Variants in ERBIN observed in about 807,000 individuals in gnomAD.
ERBIN encodes the protein densin-180-like protein.
ERBIN carries 60 observed loss-of-function variants against 158.4 expected under a neutral mutation model. The observed-to-expected ratio is 0.38, with a 90% confidence interval of 0.31 to 0.47. ERBIN has a LOEUF of 0.47. Among genes scored for constraint, ERBIN ranks in the 20% least tolerant of loss-of-function variants. The pLI is 0.99. For synonymous variants in ERBIN, 594 were observed against 557.2 expected, an observed-to-expected ratio of 1.07 and a Z score of -0.93; for missense variants, 1,610 against 1,648.0, an observed-to-expected ratio of 0.98 and a Z score of 0.40.
chr5:65,957,900 C>T (rs1196293052), intron 1 of ERBIN, among the ~76,000 whole-genome samples: 12 of 149,678 alleles, frequency 8.0e-5, no homozygotes, highest in African/African-American at 3.0e-4. Flanking sequence ...ACTTCTCAGC[C>T]GGGGCGGCTG....
intron 1 of ERBIN, among the ~76,000 whole-genome samples, chr5:65,975,861 G>A (rs1460656154): frequency 6.6e-6 from 1 of 152,218 alleles, no homozygotes; most frequent in Non-Finnish European, 1.5e-5. Context: ...GCATATTGCT[G>A]TGTGTGGTCA....
chr5:65,960,829 C>T (rs1448202477), intron 1 of ERBIN, among the ~76,000 whole-genome samples: 39 of 152,086 alleles, frequency 2.6e-4, no homozygotes, highest in Non-Finnish European at 2.9e-5. Flanking sequence ...TATATGTTTA[C>T]AGTTAGGTTC....
intron 14 of ERBIN, among the ~76,000 whole-genome samples, chr5:66,036,052 G>A (rs1396310513): frequency 1.3e-5 from 2 of 152,138 alleles, no homozygotes; most frequent in Admixed American, 6.5e-5. Flanking sequence ...TCATGCCACT[G>A]CACTCCAGCC....
chr5:65,981,900 A>G (rs1750704436), intron 1 of ERBIN, among the ~76,000 whole-genome samples: 1 of 152,192 alleles, frequency 6.6e-6, no homozygotes, highest in Non-Finnish European at 1.5e-5. Flanking sequence ...GAGTTGATGT[A>G]AACAAGTCAC....
intron 1 of ERBIN, among the ~76,000 whole-genome samples, chr5:65,935,646 T>A (rs141229795): frequency 1.4e-4 from 22 of 152,384 alleles, no homozygotes; most frequent in African/African-American, 5.0e-4. Flanking sequence ...ACTTTTACTC[T>A]TTACATTGGA....
intron 8 of ERBIN, chr5:66,022,835 C>G (rs538013922): frequency 1.3e-5 from 2 of 153,114 alleles, no homozygotes; most frequent in Admixed American, 1.3e-4. Context: ...TGCACGTTGT[C>G]TTTTATCTCC....
intron 19 of ERBIN, 63 bp from the exon 20 acceptor site, chr5:66,050,720 T>A: frequency 9.0e-7 from 1 of 1,107,200 alleles, no homozygotes. Context: ...TTGTCATCAC[T>A]GAAAAGAATT....
chr5:66,050,228 T>TAATAACCCCAGCATTGGTTAC (rs1758883746), intron 19 of ERBIN, among the ~76,000 whole-genome samples: 8 of 3,258 alleles, frequency 2.5e-3, no homozygotes, highest in South Asian at 0.017. Flanking sequence ...ATCGAATTCT[T>TAATAACCCCAGCATTGGTTAC]TTTTTTTTTT....
At chr5:65,965,052 A>C (rs1748406401) in intron 1 of ERBIN, among the ~76,000 whole-genome samples, 1 of 150,814 alleles carries the variant, frequency 6.6e-6, no homozygotes, top group Admixed American at 6.6e-5. Flanking sequence ...CAGCCTCCCA[A>C]AGTACCGGGA....
intron 24 of ERBIN, 39 bp from the exon 25 acceptor site, chr5:66,076,830 TTATACA>T (rs1428074829): frequency 7.1e-7 from 1 of 1,411,474 alleles, no homozygotes; most frequent in Admixed American, 1.8e-5. Context: ...ACTCTGTTAT[TTATACA>T]TACTGTTTTT....
At position 65,988,161 on chromosome 5, in the gene ERBIN, A is replaced by G. The variant is rs540306448; in HGVS notation, c.-57-474A>G. Among the ~76,000 whole-genome samples, 4 of 152,258 alleles carry G rather than the reference A, an allele frequency of 2.6e-5. 1 individual carries two copies. The South Asian group carries it at 8.3e-4, about 32-fold the overall frequency. On this transcript the variant is annotated intron_variant, in intron 1 of 25. Transcript: ENST00000284037. ...TGAGGTGGGAGAATCGCTTAAGGCC[A>G]GGAGTTCAAGACCAGCATGGCCAAC...
intron 14 of ERBIN, among the ~76,000 whole-genome samples, chr5:66,035,063 C>T (rs1757261926): frequency 6.6e-6 from 1 of 152,086 alleles, no homozygotes; most frequent in East Asian, 1.9e-4. Context: ...GCTGGTTGTC[C>T]TTTTACCTGA....
At chr5:65,987,981 A>G in intron 1 of ERBIN, among the ~76,000 whole-genome samples, 1 of 152,226 alleles carries the variant, frequency 6.6e-6, no homozygotes, top group Non-Finnish European at 1.5e-5. Context: ...TTTCTCAGTA[A>G]GTTCAAATTA....
intron 7 of ERBIN, 27 bp from the exon 8 acceptor site, chr5:66,021,295 A>C (rs1755657194): frequency 6.8e-7 from 1 of 1,460,060 alleles, no homozygotes; most frequent in South Asian, 1.2e-5. Flanking sequence ...TTTTCTAGTT[A>C]ATTTTTCATT....
At chr5:66,067,090 T>A (rs1294822671) in intron 21 of ERBIN, among the ~76,000 whole-genome samples, 5 of 152,186 alleles carry the variant, frequency 3.3e-5, no homozygotes, top group Non-Finnish European at 7.3e-5. Context: ...ATGAATGATT[T>A]CTTTGTTTTT....
Position 66,050,893 on chromosome 5 carries a change from A to G in ERBIN, c.2014A>G (p.Thr672Ala), listed in dbSNP as rs376598775. ...GATGTCTGATTCAGTTTCTCTTAAT[A>G]CTGATAGTAGTCAAGACACCTCACT... is the stretch of plus-strand genomic sequence containing the variant. ...SRMSDSVSLN[T>A]DSSQDTSLCS... Residue 672 changes from threonine to alanine, a missense_variant, in exon 20 of 26, where the codon ACT becomes GCT. Around this residue, in one of 2 missense-constraint regions of ERBIN, gnomAD observed 1,014 missense variants for 936.1 expected, o/e 1.08. Coordinates refer to ENST00000284037, the MANE Select transcript of ERBIN (RefSeq NM_001253697.2). 2 of 1,606,820 alleles carry G rather than the reference A, an allele frequency of 1.2e-6. No individual in the cohort carries two copies. The highest frequency in any genetic ancestry group is 1.1e-5 in the South Asian group (1 of 89,468).
chr5:66,061,139 G>A (rs1760247890), intron 21 of ERBIN, among the ~76,000 whole-genome samples: 1 of 152,194 alleles, frequency 6.6e-6, no homozygotes, highest in Non-Finnish European at 1.5e-5. Flanking sequence ...AATGTTGACA[G>A]TGGGGTGTTA....
chr5:65,938,633 A>G (rs1020455617), intron 1 of ERBIN, among the ~76,000 whole-genome samples: 1 of 150,196 alleles, frequency 6.7e-6, no homozygotes, highest in African/African-American at 2.5e-5. Context: ...GCTCATTGCA[A>G]CCTCCACCTC....
chr5:66,051,803 G>T (rs1024317344), intron 20 of ERBIN, among the ~76,000 whole-genome samples: 4 of 151,792 alleles, frequency 2.6e-5, no homozygotes, highest in Non-Finnish European at 5.9e-5. Context: ...GCTGAGGTGG[G>T]AGGATTGCTT....
Sources: allele counts gnomAD v4.1 joint callset (sites outside exome capture counted in the v4.1 genomes callset), GRCh38; gene constraint gnomAD v4.1.1; regional missense constraint gnomAD v4.1.1; transcripts MANE v1.5; gene names NCBI Gene and HGNC (gene_info 2026-07-23, HGNC 2026-07-21).